PUS10: variants seen among roughly 807,000 people sequenced by gnomAD.
The protein encoded by PUS10 is pseudouridine synthase 10.
Under a neutral mutation model 75.0 loss-of-function variants are expected in PUS10, and 59 were observed. That is an observed-to-expected ratio of 0.79 (90% confidence interval 0.64 to 0.98). The LOEUF (loss-of-function observed/expected upper bound fraction) is 0.98. Ranked by LOEUF, PUS10 falls within the 50% of genes least tolerant of loss-of-function variation. PUS10 has a pLI of 0.00. For synonymous variants in PUS10, 219 were observed against 211.6 expected, an observed-to-expected ratio of 1.03 and a Z score of -0.30; for missense variants, 650 against 614.4, an observed-to-expected ratio of 1.06 and a Z score of -0.61.
intron 15 of PUS10, among the ~76,000 whole-genome samples, chr2:60,950,114 T>C (rs146367090): frequency 5.3e-5 from 8 of 152,330 alleles, no homozygotes; most frequent in African/African-American, 1.9e-4. Context: ...CCTTACATAG[T>C]ATGGCCAAAA....
chr2:60,965,215 A>T lies in PUS10; in HGVS notation c.678-112T>A, dbSNP rs567001349. 5.3e-5 allele frequency: 59 copies of T among 1,109,122 alleles called. No homozygotes were observed. In the African/African-American group the frequency reaches 8.3e-4, roughly 16 times the overall value. 68.7% of individuals were successfully genotyped at this position (1,109,122 alleles called of 1,614,324 possible). On this transcript the variant is annotated intron_variant, in intron 7 of 17. Transcript: ENST00000316752. Reference sequence around the variant, plus strand: ...GCTAAACTCAGGACATCAGGAGCAGACAAAATGAGTCCCTGTATGAGCTAT... The same window carrying T: ...GCTAAACTCAGGACATCAGGAGCAGTCAAAATGAGTCCCTGTATGAGCTAT...
intron 17 of PUS10, among the ~76,000 whole-genome samples, chr2:60,943,615 C>T (rs758589320): frequency 1.3e-5 from 2 of 151,972 alleles, no homozygotes; most frequent in Non-Finnish European, 2.9e-5. Context: ...ATTAGAAAAG[C>T]CTAAATAGCT....
chr2:60,978,464 G>A (rs1447305497), intron 4 of PUS10, among the ~76,000 whole-genome samples: 2 of 148,302 alleles, frequency 1.3e-5, no homozygotes, highest in African/African-American at 2.5e-5. Context: ...GGTGAAAAAC[G>A]TGGAAAGTAT....
At chr2:61,012,530 A>G (rs919717909) in intron 1 of PUS10, among the ~76,000 whole-genome samples, 1 of 151,778 alleles carries the variant, frequency 6.6e-6, no homozygotes, top group African/African-American at 2.4e-5. Flanking sequence ...AAATCTAAAA[A>G]TATTACTCAA....
chr2:60,997,781 T>C (rs1003551740), intron 4 of PUS10, among the ~76,000 whole-genome samples: 2 of 152,146 alleles, frequency 1.3e-5, no homozygotes, highest in African/African-American at 4.8e-5. Context: ...GTGGACCATA[T>C]AGGAACTGAA....
In PUS10 at chr2:60,985,294, T is replaced by C. The variant is rs1179204685; in HGVS notation, c.469-13737A>G. 2.0e-5 allele frequency among the ~76,000 whole-genome samples: 3 copies of C among 152,194 alleles called. No individual in the cohort carries two copies. The East Asian group carries it at 5.8e-4, about 29-fold the overall frequency. On this transcript the variant is annotated intron_variant, in intron 4 of 17. Transcript: ENST00000316752. ...GAATCCTCATTTAAATATTATCTAATAGGTTGAGGTCTATTTTATTTTAAA... is the reference window on the plus strand; with the variant it reads ...GAATCCTCATTTAAATATTATCTAACAGGTTGAGGTCTATTTTATTTTAAA...
rs1674660915 is a variant in PUS10, at chr2:60,942,224, C to A, written c.*171G>T. 1.6e-6 allele frequency: 1 copy of A among 636,716 alleles called. No individual in the cohort carries two copies. The highest frequency in any genetic ancestry group is 2.9e-6 in the Non-Finnish European group (1 of 349,356). 39.4% of individuals were successfully genotyped at this position (636,716 alleles called of 1,614,324 possible). On this transcript the variant is annotated 3_prime_UTR_variant, in exon 18 of 18. Coordinates refer to ENST00000316752, the MANE Select transcript of PUS10 (RefSeq NM_144709.4). ...GGAACAATTTAACACAAAATATACA[C>A]ATATATAGATCCTGAGATGTTACAA...
chr2:60,970,860 T>C (rs1318270018), intron 5 of PUS10, among the ~76,000 whole-genome samples: 1 of 152,208 alleles, frequency 6.6e-6, no homozygotes, highest in East Asian at 1.9e-4. Context: ...CATAGTTTTA[T>C]AGTTTAGTTT....
At chr2:60,985,517 T>C (rs1345872557) in intron 4 of PUS10, among the ~76,000 whole-genome samples, 1 of 152,190 alleles carries the variant, frequency 6.6e-6, no homozygotes, top group African/African-American at 2.4e-5. Context: ...CTCTTTTTTT[T>C]TGAAACAGGA....
At chr2:60,973,698 T>C (rs1006983133) in intron 4 of PUS10, among the ~76,000 whole-genome samples, 1 of 152,176 alleles carries the variant, frequency 6.6e-6, no homozygotes, top group African/African-American at 2.4e-5. Context: ...AAGCGGCAGG[T>C]CCACAGTGAA....
intron 1 of PUS10, among the ~76,000 whole-genome samples, chr2:61,012,260 A>G (rs950697960): frequency 6.6e-6 from 1 of 152,170 alleles, no homozygotes; most frequent in Non-Finnish European, 1.5e-5. Context: ...TTTGTTTTGT[A>G]CCATTCAGTA....
chr2:60,962,994 T>C (rs557091325), intron 8 of PUS10, 104 bp from the exon 9 acceptor site: 15 of 1,417,970 alleles, frequency 1.1e-5, no homozygotes, highest in South Asian at 4.2e-5. Context: ...CATTTCATTA[T>C]ATCATTTCAT....
chr2:61,008,813 TTACA>T lies in PUS10; in HGVS notation c.325_328del (p.Cys109MetfsTer4). Reference sequence around the variant, plus strand: ...TTCTTGAAGAATTCCTAGGCATACATTACATACATTTAAATTTGAGTTCTTGGAA... The same window carrying T: ...TTCTTGAAGAATTCCTAGGCATACATTACATTTAAATTTGAGTTCTTGGAA... On this transcript the variant is annotated frameshift_variant, in exon 3 of 18. Transcript: ENST00000316752. LOFTEE classifies it high-confidence loss of function. 6.2e-7 allele frequency: 1 copy of T among 1,607,866 alleles called. No homozygotes were observed. The highest frequency in any genetic ancestry group is 8.5e-7 in the Non-Finnish European group (1 of 1,175,424).
At chr2:60,987,812 C>T (rs929928291) in intron 4 of PUS10, among the ~76,000 whole-genome samples, 1 of 151,796 alleles carries the variant, frequency 6.6e-6, no homozygotes, top group Non-Finnish European at 1.5e-5. Flanking sequence ...GCTCATAAGG[C>T]TGAGGTAGGA....
At chr2:60,942,518 T>G in intron 17 of PUS10, 85 bp from the exon 18 acceptor site, 4 of 1,047,762 alleles carry the variant, frequency 3.8e-6, no homozygotes, top group Non-Finnish European at 5.9e-6. Context: ...TTTAATAGTT[T>G]TAATATAGTG....
intron 4 of PUS10, among the ~76,000 whole-genome samples, chr2:60,983,975 T>A (rs893907549): frequency 6.6e-6 from 1 of 151,000 alleles, no homozygotes; most frequent in Admixed American, 6.6e-5. Context: ...AGAAAAAAAA[T>A]TATGGGAAAA....
chr2:61,008,142 C>T (rs1006167838), intron 3 of PUS10, among the ~76,000 whole-genome samples: 3 of 152,052 alleles, frequency 2.0e-5, no homozygotes, highest in Non-Finnish European at 4.4e-5. Flanking sequence ...AATCCCAGTA[C>T]TTTGGAGGCC....
chr2:60,964,066 G>C (rs558002503), intron 8 of PUS10, among the ~76,000 whole-genome samples: 1 of 152,192 alleles, frequency 6.6e-6, no homozygotes, highest in African/African-American at 2.4e-5. Flanking sequence ...CAGGGCCTCA[G>C]ACAGTGGAAA....
At chr2:60,993,280 C>T (rs1290631244) in intron 4 of PUS10, among the ~76,000 whole-genome samples, 1 of 152,026 alleles carries the variant, frequency 6.6e-6, no homozygotes, top group Non-Finnish European at 1.5e-5. Context: ...CATGGTGAAA[C>T]CCCATCTCTA....
Sources: gnomAD v4.1 joint callset for allele counts (sites outside exome capture counted in the v4.1 genomes callset) on GRCh38, gnomAD v4.1.1 for gene constraint, MANE v1.5 for transcripts, NCBI Gene and HGNC (gene_info 2026-07-23, HGNC 2026-07-21) for gene names.